PLXDC2: variants seen among roughly 807,000 people sequenced by gnomAD.
PLXDC2 encodes plexin domain-containing protein 2.
A neutral mutation model predicts 68.9 loss-of-function variants in PLXDC2; 40 were observed. The observed-to-expected ratio is 0.58, with a 90% CI of 0.45 to 0.76. The LOEUF is 0.76. PLXDC2 is among the 30% of genes least tolerant of loss of function. The pLI is 0.00. For missense variants in PLXDC2, 644 were observed against 661.9 expected, an observed-to-expected ratio of 0.97 and a Z score of 0.30; for synonymous variants, 243 against 234.2, an observed-to-expected ratio of 1.04 and a Z score of -0.34.
At chr10:19,849,444 G>A (rs964366777) in intron 1 of PLXDC2, among the ~76,000 whole-genome samples, 2 of 152,180 alleles carry the variant, frequency 1.3e-5, no homozygotes, top group African/African-American at 2.4e-5. Flanking sequence ...ATCTTGAATC[G>A]TAGTTCCCAT....
chr10:20,121,880 C>T (rs974367186), intron 4 of PLXDC2, among the ~76,000 whole-genome samples: 12 of 152,066 alleles, frequency 7.9e-5, no homozygotes, highest in Non-Finnish European at 1.8e-4. Flanking sequence ...GGCTTTAATC[C>T]TTTCAAAGCA....
At chr10:19,837,764 C>T (rs1836827293) in intron 1 of PLXDC2, among the ~76,000 whole-genome samples, 1 of 152,130 alleles carries the variant, frequency 6.6e-6, no homozygotes, top group African/African-American at 2.4e-5. Context: ...CTTGTTAGGT[C>T]ATTTATCATT....
chr10:19,900,782 A>G (rs1338275982), intron 1 of PLXDC2, among the ~76,000 whole-genome samples: 1 of 151,506 alleles, frequency 6.6e-6, no homozygotes, highest in Non-Finnish European at 1.5e-5. Context: ...AGAGCCCCCA[A>G]AGTCCGTTGT....
chr10:19,897,157 CTG>C (rs1176270112), intron 1 of PLXDC2, among the ~76,000 whole-genome samples: 8 of 151,814 alleles, frequency 5.3e-5, no homozygotes, highest in African/African-American at 1.7e-4. Flanking sequence ...TAAAGAGCCT[CTG>C]TATTTCAGAA....
intron 4 of PLXDC2, chr10:20,071,152 T>C (rs568645074): frequency 8.3e-4 from 126 of 152,334 alleles, no homozygotes; most frequent in African/African-American, 2.9e-3. Flanking sequence ...CCTGGGTGTC[T>C]TCAAAATGAA....
chr10:20,064,491 A>G (rs1836166534), intron 3 of PLXDC2, among the ~76,000 whole-genome samples: 1 of 151,870 alleles, frequency 6.6e-6, no homozygotes, highest in African/African-American at 2.4e-5. Context: ...AAGTGCTGTG[A>G]TTTTTTCTTT....
At chr10:20,261,826 C>A (rs1316408515) in intron 13 of PLXDC2, among the ~76,000 whole-genome samples, 9 of 151,666 alleles carry the variant, frequency 5.9e-5, no homozygotes, top group African/African-American at 2.2e-4. Context: ...TGTACTCCAG[C>A]CTGGGCGCCA....
intron 4 of PLXDC2, among the ~76,000 whole-genome samples, chr10:20,079,099 A>T (rs192207283): frequency 3.9e-5 from 6 of 152,258 alleles, no homozygotes; most frequent in Non-Finnish European, 7.4e-5. Context: ...AAACACCCTC[A>T]CTTAAGAAAA....
Position 20,044,124 on chromosome 10 carries a change from C to CT in PLXDC2, c.325-2744dup, listed in dbSNP as rs1382263754. Among the ~76,000 whole-genome samples the CT allele has an allele frequency of 3.2e-3, 472 of 146,142 alleles. 11 individuals are homozygous for CT. Among genetic ancestry groups the CT allele is most frequent in the African/African-American group, 7.4e-3 (291 of 39,362 alleles). On this transcript the variant is annotated intron_variant, in intron 2 of 13. Coordinates refer to ENST00000377252, the MANE Select transcript of PLXDC2 (RefSeq NM_032812.9). ...CCTTCCTTCCTTCCTTCCTTCCTTCCTCCCTCCCTCCCTCTCTCTCTTTTT... is the reference window on the plus strand; with the variant it reads ...CCTTCCTTCCTTCCTTCCTTCCTTCCTTCCCTCCCTCCCTCTCTCTCTTTTT...
intron 11 of PLXDC2, among the ~76,000 whole-genome samples, chr10:20,218,040 G>T (rs1280553264): frequency 6.6e-6 from 1 of 151,898 alleles, no homozygotes; most frequent in East Asian, 1.9e-4. Context: ...AAAATATATT[G>T]GTCTATAACC....
intron 1 of PLXDC2, among the ~76,000 whole-genome samples, chr10:19,970,600 A>AT (rs974672318): frequency 1.2e-4 from 19 of 152,136 alleles, no homozygotes; most frequent in African/African-American, 3.9e-4. Context: ...TTGGCTTCCG[A>AT]TTTTTTTCAT....
chr10:20,026,445 G>C (rs1029670924), intron 2 of PLXDC2, among the ~76,000 whole-genome samples: 15 of 152,076 alleles, frequency 9.9e-5, no homozygotes, highest in African/African-American at 3.1e-4. Context: ...TTAATCATGT[G>C]ATTTATCTCC....
At position 20,068,061 on chromosome 10, in the gene PLXDC2, T is replaced by G. The variant is rs185302844; in HGVS notation, c.472-109T>G. ...AGGTTTTAAAAGAGAACTACAATAA[T>G]TATGGGGTAAAGTAGAAGCATCATT... On this transcript the variant is annotated intron_variant, in intron 3 of 13. Transcript: ENST00000377252. 1.3e-5 allele frequency: 11 copies of G among 876,092 alleles called. No homozygotes were observed. In the East Asian group the frequency reaches 2.7e-4, roughly 22 times the overall value. 54.3% of individuals were successfully genotyped at this position (876,092 alleles called of 1,614,324 possible).
At chr10:20,080,843 G>C (rs1410796968) in intron 4 of PLXDC2, among the ~76,000 whole-genome samples, 1 of 152,210 alleles carries the variant, frequency 6.6e-6, no homozygotes, top group Non-Finnish European at 1.5e-5. Context: ...GACACACAGA[G>C]GAGATCCGCC....
intron 9 of PLXDC2, among the ~76,000 whole-genome samples, chr10:20,191,477 G>A (rs1202486705): frequency 6.6e-6 from 1 of 151,494 alleles, no homozygotes; most frequent in Non-Finnish European, 1.5e-5. Context: ...TGATCACCGA[G>A]AAGACCTCTG....
chr10:19,926,692 C>A (rs942229263), intron 1 of PLXDC2, among the ~76,000 whole-genome samples: 1 of 152,090 alleles, frequency 6.6e-6, no homozygotes, highest in Non-Finnish European at 1.5e-5. Context: ...GCATGCACTT[C>A]CCCCAGTTTC....
intron 4 of PLXDC2, among the ~76,000 whole-genome samples, chr10:20,119,764 A>T (rs1334505187): frequency 6.6e-6 from 1 of 151,948 alleles, no homozygotes; most frequent in Non-Finnish European, 1.5e-5. Context: ...AGTGGGAGAG[A>T]TTAAGATGAA....
At chr10:19,941,957 A>C (rs1833826372) in intron 1 of PLXDC2, among the ~76,000 whole-genome samples, 1 of 149,868 alleles carries the variant, frequency 6.7e-6, no homozygotes, top group African/African-American at 2.5e-5. Flanking sequence ...GTTTGTTTCC[A>C]GCCTTTGACA....
At chr10:20,203,292 ATTTT>A (rs10582241) in intron 9 of PLXDC2, among the ~76,000 whole-genome samples, 2 of 144,714 alleles carry the variant, frequency 1.4e-5, no homozygotes, top group African/African-American at 5.1e-5. Context: ...AATAAGATGA[ATTTT>A]TTTTTTTTTT....
Sources: allele counts gnomAD v4.1 joint callset (sites outside exome capture counted in the v4.1 genomes callset), GRCh38; gene constraint gnomAD v4.1.1; transcripts MANE v1.5; gene names NCBI Gene and HGNC (gene_info 2026-07-23, HGNC 2026-07-21).